ARHGAP8: variants seen among roughly 807,000 people sequenced by gnomAD.
The protein encoded by ARHGAP8 is rho GTPase-activating protein 8.
In ARHGAP8, 62 loss-of-function variants were observed where a neutral mutation model predicts 46.1. That is an observed-to-expected ratio of 1.34 (90% CI 1.10 to 1.66). The LOEUF (loss-of-function observed/expected upper bound fraction) is 1.66. Among genes scored for constraint, ARHGAP8 ranks in the 40% most tolerant of loss-of-function variants. The pLI, the probability that ARHGAP8 is intolerant of heterozygous loss-of-function variation, is 0.00. For synonymous variants in ARHGAP8, 375 were observed against 243.1 expected (o/e 1.54, Z -5.05); for missense variants, 923 against 568.4 (o/e 1.62, Z -6.34).
chr22:44,853,741 A>G (rs892010933), intron 10 of ARHGAP8, among the ~76,000 whole-genome samples: 7 of 152,162 alleles, frequency 4.6e-5, no homozygotes, highest in African/African-American at 1.7e-4. Context: ...AAAATTTGCC[A>G]TCAGGGCCAG....
chr22:44,790,959 C>G (rs940928509), intron 2 of ARHGAP8, among the ~76,000 whole-genome samples: 1 of 151,964 alleles, frequency 6.6e-6, no homozygotes, highest in Non-Finnish European at 1.5e-5. Context: ...TCTCAAACTC[C>G]TGAGCTCAGG....
intron 7 of ARHGAP8, among the ~76,000 whole-genome samples, chr22:44,838,357 C>T (rs866884551): frequency 9.9e-5 from 15 of 152,260 alleles, no homozygotes; most frequent in African/African-American, 3.4e-4. Context: ...AGGCTGGTCT[C>T]GAACTCCTGA....
chr22:44,773,441 C>T (rs1213717217), intron 1 of ARHGAP8, among the ~76,000 whole-genome samples: 1 of 152,184 alleles, frequency 6.6e-6, no homozygotes, highest in Admixed American at 6.5e-5. Context: ...TAACACCTTT[C>T]CCAAAAGACC....
rs143928559 is a variant in ARHGAP8 at position 44,773,944 on chromosome 22, C to T, written c.-71-12513C>T. Among the ~76,000 whole-genome samples the T allele has an allele frequency of 2.4e-3, 362 of 152,326 alleles. 1 individual carries two copies. Among genetic ancestry groups the T allele is most frequent in the Non-Finnish European group, 3.6e-3 (246 of 68,038 alleles). Reference sequence around the variant, plus strand: ...TGATGATGGTTGTGAACATTTACTGCATACCAGTCACATACCAGGTACCAT... The same window carrying T: ...TGATGATGGTTGTGAACATTTACTGTATACCAGTCACATACCAGGTACCAT... On this transcript the variant is annotated intron_variant, in intron 1 of 11. Coordinates refer to ENST00000356099, the MANE Select transcript of ARHGAP8 (RefSeq NM_181335.3).
At chr22:44,837,118 C>T (rs1931340024) in intron 7 of ARHGAP8, among the ~76,000 whole-genome samples, 1 of 152,210 alleles carries the variant, frequency 6.6e-6, no homozygotes, top group Non-Finnish European at 1.5e-5. Flanking sequence ...TTCCCGACCT[C>T]AGGTGATCCG....
chr22:44,814,102 T>G (rs1196238395), intron 4 of ARHGAP8, among the ~76,000 whole-genome samples: 1 of 152,196 alleles, frequency 6.6e-6, no homozygotes, highest in East Asian at 1.9e-4. Context: ...TTCCCCAACC[T>G]GATGGCTTTG....
chr22:44,844,134 G>A (rs1416302850), intron 7 of ARHGAP8, among the ~76,000 whole-genome samples: 1 of 152,042 alleles, frequency 6.6e-6, no homozygotes, highest in African/African-American at 2.4e-5. Flanking sequence ...ACCACGCCTG[G>A]CTAATTTTTG....
At chr22:44,755,135 C>T (rs1278019256) in intron 1 of ARHGAP8, among the ~76,000 whole-genome samples, 1 of 152,226 alleles carries the variant, frequency 6.6e-6, no homozygotes, top group Admixed American at 6.5e-5. Context: ...GTTACTGCCC[C>T]GTTCACAGAT....
At chr22:44,842,668 C>G (rs1931732334) in intron 7 of ARHGAP8, among the ~76,000 whole-genome samples, 1 of 152,178 alleles carries the variant, frequency 6.6e-6, no homozygotes, top group East Asian at 1.9e-4. Flanking sequence ...TGAGGGCCAG[C>G]TGGCACTGGC....
intron 5 of ARHGAP8, among the ~76,000 whole-genome samples, chr22:44,820,478 C>T (rs1170056383): frequency 6.6e-6 from 1 of 152,174 alleles, no homozygotes; most frequent in Non-Finnish European, 1.5e-5. Context: ...CGGGGACACC[C>T]TCCGGCATCC....
At chr22:44,811,951 C>T (rs531362760) in intron 4 of ARHGAP8, among the ~76,000 whole-genome samples, 42 of 150,446 alleles carry the variant, frequency 2.8e-4, no homozygotes, top group African/African-American at 8.8e-4. Flanking sequence ...GAGCTGAGAT[C>T]GCGCCACCGC....
chr22:44,844,765 C>T (rs1246643091), intron 7 of ARHGAP8, among the ~76,000 whole-genome samples: 3 of 152,180 alleles, frequency 2.0e-5, no homozygotes, highest in African/African-American at 4.8e-5. Context: ...ACCTGGCCAA[C>T]ATTTCTTTAT....
intron 7 of ARHGAP8, among the ~76,000 whole-genome samples, chr22:44,839,841 TCTC>T (rs1398782524): frequency 2.0e-5 from 3 of 152,166 alleles, no homozygotes; most frequent in Non-Finnish European, 2.9e-5. Context: ...ACGTCACACT[TCTC>T]CTGGTGTTTG....
At chr22:44,861,247 A>C (rs895152024) in intron 11 of ARHGAP8, among the ~76,000 whole-genome samples, 11 of 152,142 alleles carry the variant, frequency 7.2e-5, no homozygotes, top group African/African-American at 2.7e-4. Flanking sequence ...TGCTGGGATT[A>C]CAGGTGTGAG....
At chr22:44,833,420 G>A (rs961969548) in intron 7 of ARHGAP8, among the ~76,000 whole-genome samples, 3 of 152,106 alleles carry the variant, frequency 2.0e-5, no homozygotes, top group Admixed American at 6.6e-5. Flanking sequence ...TCGCCATTGA[G>A]ATAATCACAT....
At chr22:44,851,183 A>T (rs5766104) in intron 10 of ARHGAP8, among the ~76,000 whole-genome samples, 51,523 of 151,616 alleles carry the variant, frequency 0.34, 9,971 homozygotes, top group African/African-American at 0.54. Context: ...ACATTTGTCC[A>T]CTTCCGGATA....
chr22:44,758,669 T>G (rs1387890055), intron 1 of ARHGAP8, among the ~76,000 whole-genome samples: 33 of 128,894 alleles, frequency 2.6e-4, no homozygotes, highest in African/African-American at 3.6e-4. Flanking sequence ...CAGTGGGGGG[T>G]GTATTTGAGG....
At chr22:44,848,723 C>G (rs996809599) in intron 9 of ARHGAP8, among the ~76,000 whole-genome samples, 2 of 152,090 alleles carry the variant, frequency 1.3e-5, no homozygotes, top group Non-Finnish European at 2.9e-5. Flanking sequence ...ACTGGGAGCC[C>G]GGGAGGAGGC....
chr22:44,786,379 T>G lies in ARHGAP8; in HGVS notation c.-71-78T>G, dbSNP rs967466109. On this transcript the variant is annotated intron_variant, in intron 1 of 11. Transcript: ENST00000356099. ...GCAGCAGAGGTGGGTGACTGTCTTA[T>G]GAAAGGCATCAGGAGGCTCCCTCAT... is the stretch of plus-strand genomic sequence containing the variant. 4.0e-6 allele frequency: 6 copies of G among 1,509,404 alleles called. No individual in the cohort carries two copies. The African/African-American group carries it at 5.5e-5, about 14-fold the overall frequency. 93.5% of individuals were successfully genotyped at this position (1,509,404 alleles called of 1,614,324 possible).
Sources: gnomAD v4.1 joint callset for allele counts (sites outside exome capture counted in the v4.1 genomes callset) on GRCh38, gnomAD v4.1.1 for gene constraint, MANE v1.5 for transcripts, NCBI Gene and HGNC (gene_info 2026-07-23, HGNC 2026-07-21) for gene names.